ADGRB3: variants seen among roughly 807,000 people sequenced by gnomAD.
The protein encoded by ADGRB3 is adhesion G protein-coupled receptor B3.
In ADGRB3, 37 loss-of-function variants were observed where a neutral mutation model predicts 193.4. That is an observed-to-expected ratio of 0.19 (90% CI 0.15 to 0.25). The LOEUF (loss-of-function observed/expected upper bound fraction) is 0.25. ADGRB3 is among the 10% of genes least tolerant of loss of function. ADGRB3 has a pLI of 1.00. For synonymous variants in ADGRB3, 690 were observed against 644.2 expected (o/e 1.07, Z -1.08); for missense variants, 1,637 against 1,852.9 (o/e 0.88, Z 2.14).
intron 3 of ADGRB3, among the ~76,000 whole-genome samples, chr6:68,700,987 T>TA (rs1765233988): frequency 6.6e-6 from 1 of 152,024 alleles, no homozygotes; most frequent in South Asian, 2.1e-4. Context: ...TAAAATAATT[T>TA]AAAAAACTAT....
chr6:68,933,121 A>G (rs1474340230), intron 4 of ADGRB3, among the ~76,000 whole-genome samples: 1 of 151,202 alleles, frequency 6.6e-6, no homozygotes, highest in Non-Finnish European at 1.5e-5. Context: ...TATATTTAAT[A>G]TAGACATCTA....
chr6:69,029,130 A>G (rs1445881240), intron 13 of ADGRB3, among the ~76,000 whole-genome samples: 12 of 152,278 alleles, frequency 7.9e-5, no homozygotes, highest in Admixed American at 7.2e-4. Flanking sequence ...TACTTCTGTT[A>G]TATAATGAAC....
intron 29 of ADGRB3, among the ~76,000 whole-genome samples, chr6:69,368,222 T>C (rs1432253337): frequency 6.6e-6 from 1 of 152,150 alleles, no homozygotes; most frequent in Non-Finnish European, 1.5e-5. Flanking sequence ...TAACTTTGGT[T>C]GTTCAGAAAG....
chr6:69,056,079 C>A (rs1248636662), intron 15 of ADGRB3, among the ~76,000 whole-genome samples: 2 of 152,138 alleles, frequency 1.3e-5, no homozygotes, highest in African/African-American at 2.4e-5. Context: ...GATCGCCACC[C>A]TCGGCCTCTC....
intron 17 of ADGRB3, among the ~76,000 whole-genome samples, chr6:69,163,380 G>A (rs535812936): frequency 6.6e-6 from 1 of 151,914 alleles, no homozygotes; most frequent in African/African-American, 2.4e-5. Flanking sequence ...TTGCAACCAG[G>A]TACCCCTCTT....
At chr6:68,880,413 C>A (rs1344145114) in intron 3 of ADGRB3, among the ~76,000 whole-genome samples, 1 of 152,136 alleles carries the variant, frequency 6.6e-6, no homozygotes, top group Non-Finnish European at 1.5e-5. Context: ...AAATTTGTTT[C>A]TTAAGTGTAA....
chr6:68,763,193 C>G (rs1766445575), intron 3 of ADGRB3, among the ~76,000 whole-genome samples: 1 of 152,166 alleles, frequency 6.6e-6, no homozygotes, highest in East Asian at 1.9e-4. Flanking sequence ...CAGGGTCAAG[C>G]GATTCTCCTG....
intron 3 of ADGRB3, among the ~76,000 whole-genome samples, chr6:68,768,168 T>C (rs534086100): frequency 5.1e-4 from 77 of 152,304 alleles, no homozygotes; most frequent in African/African-American, 1.8e-3. Context: ...ACTGACTTTC[T>C]TCACAGGATT....
chr6:68,929,639 A>G (rs1200111940), intron 3 of ADGRB3, among the ~76,000 whole-genome samples: 1 of 152,128 alleles, frequency 6.6e-6, no homozygotes, highest in Non-Finnish European at 1.5e-5. Flanking sequence ...CTAAACTCCT[A>G]TGAGACAGAA....
intron 3 of ADGRB3, among the ~76,000 whole-genome samples, chr6:68,745,497 G>C (rs561483109): frequency 3.0e-4 from 45 of 152,144 alleles, no homozygotes; most frequent in Middle Eastern, 3.4e-3. Flanking sequence ...AGATGAAAAA[G>C]TTATGAACAT....
chr6:68,652,183 G>T (rs752664742), intron 3 of ADGRB3, among the ~76,000 whole-genome samples: 1 of 152,032 alleles, frequency 6.6e-6, no homozygotes, highest in Non-Finnish European at 1.5e-5. Context: ...TCCGATAAGC[G>T]TTCTCTGTCA....
intron 3 of ADGRB3, among the ~76,000 whole-genome samples, chr6:68,646,284 C>T (rs1000358897): frequency 2.0e-5 from 3 of 151,594 alleles, no homozygotes; most frequent in African/African-American, 7.3e-5. Context: ...TGGCACCAGC[C>T]TGGCCAACAT....
chr6:69,056,555 A>T (rs937646424), intron 15 of ADGRB3, among the ~76,000 whole-genome samples: 1 of 152,048 alleles, frequency 6.6e-6, no homozygotes, highest in African/African-American at 2.4e-5. Context: ...AAGTTCAATG[A>T]TTTGAATGTA....
At chr6:68,923,740 C>G (rs1235265292) in intron 3 of ADGRB3, among the ~76,000 whole-genome samples, 1 of 151,828 alleles carries the variant, frequency 6.6e-6, no homozygotes. Flanking sequence ...TTTTGGTAGC[C>G]CCTATTAAAA....
At chr6:68,709,282 G>A (rs1339630092) in intron 3 of ADGRB3, among the ~76,000 whole-genome samples, 1 of 152,120 alleles carries the variant, frequency 6.6e-6, no homozygotes, top group Non-Finnish European at 1.5e-5. Context: ...TTCCGGTTGA[G>A]ATGGAGTGCT....
At chr6:68,637,038 A>G (rs535407257) in intron 1 of ADGRB3, among the ~76,000 whole-genome samples, 38 of 150,332 alleles carry the variant, frequency 2.5e-4, no homozygotes, top group African/African-American at 9.1e-4. Flanking sequence ...TTAAATGCTC[A>G]TTGGCTTTAT....
At chr6:69,351,179 C>T (rs1034785443) in intron 26 of ADGRB3, among the ~76,000 whole-genome samples, 3 of 150,800 alleles carry the variant, frequency 2.0e-5, no homozygotes, top group Admixed American at 6.6e-5. Context: ...CTGCAACCTT[C>T]GCCTCCCGAG....
At chr6:69,353,168 C>CT (rs142447089) in intron 26 of ADGRB3, among the ~76,000 whole-genome samples, 6,990 of 152,180 alleles carry the variant, frequency 0.046, 514 homozygotes, top group African/African-American at 0.16. Flanking sequence ...CTATCAATTG[C>CT]TTTTTGTGTT....
At position 69,216,698 on chromosome 6, in the gene ADGRB3, A is replaced by G. The variant is rs1432092531; in HGVS notation, c.2481-16592A>G. 2.0e-5 allele frequency among the ~76,000 whole-genome samples: 3 copies of G among 152,188 alleles called. No homozygotes were observed. The East Asian group carries it at 5.8e-4, about 29-fold the overall frequency. ...AAAATAGCCTAGAGAGCTCTGGAAA[A>G]TCTCCAAGGCAGAAAGAATCGGCTT... On this transcript the variant is annotated intron_variant, in intron 17 of 31. Transcript: ENST00000370598.
Sources: allele counts gnomAD v4.1 joint callset (sites outside exome capture counted in the v4.1 genomes callset), GRCh38; gene constraint gnomAD v4.1.1; transcripts MANE v1.5; gene names NCBI Gene and HGNC (gene_info 2026-07-23, HGNC 2026-07-21).